Variants in PRIM2 observed in about 807,000 individuals in gnomAD.
PRIM2 encodes the protein DNA primase large subunit.
PRIM2 carries 39 observed loss-of-function variants against 67.3 expected under a neutral mutation model. That is an observed-to-expected ratio of 0.58 (90% CI 0.45 to 0.76). PRIM2 has a LOEUF of 0.76. PRIM2 is among the 30% of genes least tolerant of loss of function. The pLI, the probability that PRIM2 is intolerant of heterozygous loss-of-function variation, is 0.00. For synonymous variants in PRIM2, 143 were observed against 198.7 expected (o/e 0.72, Z 2.36); for missense variants, 398 against 598.7 (o/e 0.66, Z 3.50).
intron 5 of PRIM2, among the ~76,000 whole-genome samples, chr6:57,339,260 C>G (rs999783152): frequency 1.3e-5 from 2 of 152,150 alleles, no homozygotes; most frequent in African/African-American, 4.8e-5. Context: ...GAATCAATAT[C>G]GTGAAAACGG....
At chr6:57,570,497 A>G (rs1332019993) in intron 10 of PRIM2, among the ~76,000 whole-genome samples, 106 of 152,258 alleles carry the variant, frequency 7.0e-4, no homozygotes, top group African/African-American at 2.5e-3. Flanking sequence ...CTTTCTCTTC[A>G]TATCTATGAA....
the PRIM2 span, among the ~76,000 whole-genome samples, chr6:57,247,715 T>C: frequency 6.6e-6 from 1 of 152,190 alleles, no homozygotes; most frequent in Non-Finnish European, 1.5e-5. Flanking sequence ...TTTCAAGTAA[T>C]AATTTAAAGA....
chr6:57,469,876 A>G (rs1773294620), intron 7 of PRIM2, among the ~76,000 whole-genome samples: 3 of 152,226 alleles, frequency 2.0e-5, no homozygotes, highest in Non-Finnish European at 2.9e-5. Context: ...CACCACACAG[A>G]ATTATAAACT....
chr6:57,258,952 T>C, the PRIM2 span, among the ~76,000 whole-genome samples: 1 of 152,210 alleles, frequency 6.6e-6, no homozygotes, highest in Non-Finnish European at 1.5e-5. Context: ...CTTCTAGTTA[T>C]AGGATTTTTG....
At chr6:57,535,992 ATAT>A (rs1774994015) in intron 9 of PRIM2, among the ~76,000 whole-genome samples, 1 of 152,234 alleles carries the variant, frequency 6.6e-6, no homozygotes, top group African/African-American at 2.4e-5. Flanking sequence ...AAAAAATCAG[ATAT>A]TAATATGAAG....
chr6:57,230,102 T>C, the PRIM2 span, among the ~76,000 whole-genome samples: 2 of 152,360 alleles, frequency 1.3e-5, no homozygotes, highest in South Asian at 2.1e-4. Context: ...ATAGGTAGCA[T>C]AAATTCAGAA....
At chr6:57,365,949 C>CAAAAAAA (rs5876544) in intron 5 of PRIM2, among the ~76,000 whole-genome samples, 18 of 62,568 alleles carry the variant, frequency 2.9e-4, no homozygotes, top group Non-Finnish European at 3.3e-4. Context: ...GACCATATCT[C>CAAAAAAA]AAAAAAAAAA....
intron 10 of PRIM2, among the ~76,000 whole-genome samples, chr6:57,546,078 A>C (rs1205089772): frequency 6.6e-6 from 1 of 152,234 alleles, no homozygotes; most frequent in Non-Finnish European, 1.5e-5. Context: ...AAATATGTGT[A>C]GTTTCACAAC....
intron 10 of PRIM2, among the ~76,000 whole-genome samples, chr6:57,596,899 C>T (rs1776376768): frequency 2.6e-5 from 4 of 152,072 alleles, no homozygotes; most frequent in South Asian, 2.1e-4. Context: ...ATAGCACAGC[C>T]GTGTAAACTT....
At chr6:57,418,038 C>T (rs1340870035) in intron 7 of PRIM2, among the ~76,000 whole-genome samples, 2 of 151,960 alleles carry the variant, frequency 1.3e-5, no homozygotes, top group Non-Finnish European at 2.9e-5. Context: ...ATACTTATAG[C>T]CAGAAGGTTG....
intron 7 of PRIM2, among the ~76,000 whole-genome samples, chr6:57,394,043 C>A (rs908794720): frequency 6.6e-6 from 1 of 152,128 alleles, no homozygotes; most frequent in Non-Finnish European, 1.5e-5. Flanking sequence ...ATACCAGTAC[C>A]ATGCTGTTTG....
chr6:57,460,787 G>T (rs1469134652), intron 7 of PRIM2, among the ~76,000 whole-genome samples: 1 of 152,200 alleles, frequency 6.6e-6, no homozygotes, highest in Non-Finnish European at 1.5e-5. Flanking sequence ...AAATGGAGAA[G>T]GACTGCTAAC....
the PRIM2 span, among the ~76,000 whole-genome samples, chr6:57,282,600 C>A: frequency 6.6e-6 from 1 of 152,088 alleles, no homozygotes; most frequent in Non-Finnish European, 1.5e-5. Flanking sequence ...AAGATAGGGT[C>A]TTTAAAGATG....
chr6:57,532,600 T>C (rs1774915639), intron 9 of PRIM2, 117 bp downstream of exon 9: 1 of 410,722 alleles, frequency 2.4e-6, no homozygotes, highest in Non-Finnish European at 4.3e-6. Context: ...TGCTGATTAA[T>C]TTTAAAGAAA....
In PRIM2 at chr6:57,640,797, T is replaced by C. The variant is rs1218756830; in HGVS notation, c.1300-5131T>C. Among the ~76,000 whole-genome samples the C allele has an allele frequency of 2.0e-5, 3 of 152,262 alleles. No homozygotes were observed. In the East Asian group the frequency reaches 5.8e-4, roughly 29 times the overall value. On this transcript the variant is annotated intron_variant, in intron 13 of 13. Coordinates refer to ENST00000615550, the MANE Select transcript of PRIM2 (RefSeq NM_000947.5). ...AGAATCAATATCGTGAAAATGGCCG[T>C]AATGCGCAAAGTAATTTACAGATTC...
At chr6:57,297,670 A>G in the PRIM2 span, among the ~76,000 whole-genome samples, 1 of 152,186 alleles carries the variant, frequency 6.6e-6, no homozygotes, top group South Asian at 2.1e-4. Context: ...CAAATGACAG[A>G]AGTTATCATT....
chr6:57,385,095 A>T (rs111464835), intron 7 of PRIM2, among the ~76,000 whole-genome samples: 2 of 152,270 alleles, frequency 1.3e-5, no homozygotes, highest in African/African-American at 4.8e-5. Flanking sequence ...AGAAAGAAGG[A>T]TATGTGGCAG....
the PRIM2 span, among the ~76,000 whole-genome samples, chr6:57,272,767 G>C: frequency 6.6e-6 from 1 of 152,182 alleles, no homozygotes; most frequent in Admixed American, 6.6e-5. Flanking sequence ...GCTGGTACCG[G>C]TTGTTCCTTT....
chr6:57,336,180 G>A (rs538594700), intron 5 of PRIM2, among the ~76,000 whole-genome samples: 130 of 150,640 alleles, frequency 8.6e-4, no homozygotes, highest in African/African-American at 3.0e-3. Context: ...AAAGAAATGA[G>A]CAAAGCCTCC....
Sources: gnomAD v4.1 joint callset for allele counts (sites outside exome capture counted in the v4.1 genomes callset) on GRCh38, gnomAD v4.1.1 for gene constraint, MANE v1.5 for transcripts, NCBI Gene and HGNC (gene_info 2026-07-23, HGNC 2026-07-21) for gene names.